Variants in RAB8A observed in about 807,000 individuals in gnomAD.
The protein encoded by RAB8A is RAB8A, member RAS oncogene family.
RAB8A carries 5 observed loss-of-function variants against 29.2 expected under a neutral mutation model. The observed-to-expected ratio is 0.17, with a 90% CI of 0.09 to 0.36. The LOEUF is 0.36. Among genes scored for constraint, RAB8A ranks in the 10% least tolerant of loss-of-function variants. The pLI is 1.00. For missense variants in RAB8A, 171 were observed against 272.2 expected (o/e 0.63, Z 2.62); for synonymous variants, 108 against 99.9 (o/e 1.08, Z -0.49).
At chr19:16,120,985 C>T (rs1193455736) in intron 2 of RAB8A, among the ~76,000 whole-genome samples, 3 of 147,826 alleles carry the variant, frequency 2.0e-5, no homozygotes, top group Admixed American at 6.9e-5. Flanking sequence ...GGTGCAATCT[C>T]GGCTCACTGC....
chr19:16,125,767 C>A lies in RAB8A; in HGVS notation c.324+220C>A. On this transcript the variant is annotated intron_variant, in intron 4 of 7. Coordinates refer to ENST00000300935, the MANE Select transcript of RAB8A (RefSeq NM_005370.5). This position sits in a 1 kb window ranked among gnomAD's most constrained non-coding sequence, Gnocchi z 5.0. ...ACCCCGGAGCCCCTCGGAGCCCATCCCTCCAGCTAGGCTGTTGGATCTGGC... is the reference window on the plus strand; with the variant it reads ...ACCCCGGAGCCCCTCGGAGCCCATCACTCCAGCTAGGCTGTTGGATCTGGC... 1 of 669,976 alleles carries A rather than the reference C, an allele frequency of 1.5e-6. No homozygotes were observed. Among genetic ancestry groups the A allele is most frequent in the Non-Finnish European group, 2.8e-6 (1 of 363,536 alleles). The allele number at this position is 669,976 out of a possible 1,614,324, so 41.5% of individuals were successfully genotyped here.
rs776747724 is a variant in RAB8A, at chr19:16,132,350, C to G, written c.*46C>G. The G allele has an allele frequency of 6.3e-7, 1 of 1,588,892 alleles. No individual in the cohort carries two copies. Among genetic ancestry groups the G allele is most frequent in the Non-Finnish European group, 8.6e-7 (1 of 1,163,592 alleles). On this transcript the variant is annotated 3_prime_UTR_variant, in exon 8 of 8. Coordinates refer to ENST00000300935, the MANE Select transcript of RAB8A (RefSeq NM_005370.5). This position sits in a 1 kb window ranked among gnomAD's most constrained non-coding sequence, Gnocchi z 5.6. Reference sequence around the variant, plus strand: ...GCCTCGCTCAGCCCAGCTGACTGTGCCTGTTCTGAGTGAGCCCCTCACTCA... The same window carrying G: ...GCCTCGCTCAGCCCAGCTGACTGTGGCTGTTCTGAGTGAGCCCCTCACTCA...
intron 2 of RAB8A, among the ~76,000 whole-genome samples, chr19:16,119,194 C>G (rs1221286110): frequency 6.6e-6 from 1 of 152,102 alleles, no homozygotes; most frequent in Non-Finnish European, 1.5e-5. Context: ...AGGTGCTATT[C>G]ACCTCTTCTT....
intron 3 of RAB8A, among the ~76,000 whole-genome samples, chr19:16,123,357 C>G (rs1308901743): frequency 6.6e-6 from 1 of 152,194 alleles, no homozygotes; most frequent in Non-Finnish European, 1.5e-5. Context: ...CCTGTAATCC[C>G]AGCACTTTGG....
chr19:16,114,723 G>A (rs1377077235), intron 1 of RAB8A, among the ~76,000 whole-genome samples: 1 of 151,904 alleles, frequency 6.6e-6, no homozygotes, highest in East Asian at 1.9e-4. Flanking sequence ...GAGCTTTAAA[G>A]AGGCTTTCTT....
rs1302638105 is a variant in RAB8A at position 16,120,759 on chromosome 19, C to T, written c.186-991C>T. Among the ~76,000 whole-genome samples the T allele has an allele frequency of 4.0e-5, 6 of 151,740 alleles. No individual in the cohort carries two copies. In the East Asian group the frequency reaches 5.8e-4, roughly 15 times the overall value. On this transcript the variant is annotated intron_variant, in intron 2 of 7. Coordinates refer to ENST00000300935, the MANE Select transcript of RAB8A (RefSeq NM_005370.5). Reference sequence around the variant, plus strand: ...CTAAGTAGCTGGGACTACAGATCCACGCCATCATGCCCGCCTAATTTTTGT... The same window carrying T: ...CTAAGTAGCTGGGACTACAGATCCATGCCATCATGCCCGCCTAATTTTTGT...
At chr19:16,113,929 G>C (rs934707650) in intron 1 of RAB8A, among the ~76,000 whole-genome samples, 1 of 152,116 alleles carries the variant, frequency 6.6e-6, no homozygotes, top group African/African-American at 2.4e-5. Context: ...AGGCTATCTA[G>C]AGGAAGCAAA....
chr19:16,123,477 G>C (rs2090883778), intron 3 of RAB8A, among the ~76,000 whole-genome samples: 1 of 152,108 alleles, frequency 6.6e-6, no homozygotes, highest in African/African-American at 2.4e-5. Context: ...CGTGGTGGCG[G>C]ATGCCTGTAA....
Position 16,125,561 on chromosome 19 carries a change from G to GCTCCTCCCA in RAB8A, c.324+17_324+25dup, listed in dbSNP as rs147318507. Reference sequence around the variant, plus strand: ...AACATTGAGGAGGTGAGGCCCTCCGGCTCCTCCCACTGTCCCTGCTTCAGT... The same window carrying GCTCCTCCCA: ...AACATTGAGGAGGTGAGGCCCTCCGGCTCCTCCCACTCCTCCCACTGTCCCTGCTTCAGT... On this transcript the variant is annotated intron_variant, in intron 4 of 7. Transcript: ENST00000300935. The surrounding 1 kb of genome is among the most constrained non-coding windows in gnomAD (Gnocchi z 5.0). The GCTCCTCCCA allele has an allele frequency of 4.4e-3, 7,086 of 1,606,042 alleles. 204 individuals are homozygous for GCTCCTCCCA. In the African/African-American group the frequency reaches 0.069, roughly 16 times the overall value.
Position 16,122,128 on chromosome 19 carries a change from T to A in RAB8A, c.246+318T>A, listed in dbSNP as rs1475429927. ...AGTTAAAGCCGGCATGCCCCGACTT[T>A]TAGGAGCTGTCACATGACCTGCATC... On this transcript the variant is annotated intron_variant, in intron 3 of 7. Coordinates refer to ENST00000300935, the MANE Select transcript of RAB8A (RefSeq NM_005370.5). The surrounding 1 kb of genome is among the most constrained non-coding windows in gnomAD (Gnocchi z 4.7). 1 of 266,042 alleles carries A rather than the reference T, an allele frequency of 3.8e-6. No homozygotes were observed. Among genetic ancestry groups the A allele is most frequent in the Admixed American group, 4.9e-5 (1 of 20,308 alleles). 16.5% of individuals were successfully genotyped at this position (266,042 alleles called of 1,614,324 possible). A position where few individuals can be genotyped will look rare whatever the true frequency, so the allele number is the denominator to read the frequency against.
intron 6 of RAB8A, among the ~76,000 whole-genome samples, chr19:16,128,519 C>T (rs566255642): frequency 1.2e-4 from 18 of 152,178 alleles, no homozygotes; most frequent in African/African-American, 2.4e-5. Flanking sequence ...CCCCTCTCCA[C>T]GGGGCGACCC....
At chr19:16,129,533 C>CA in intron 6 of RAB8A, 21 bp from the exon 7 acceptor site, 1 of 1,613,680 alleles carries the variant, frequency 6.2e-7, no homozygotes, top group South Asian at 1.1e-5. Flanking sequence ...CCCAAGGACT[C>CA]ACAATGTGCT....
At chr19:16,116,641 C>G (rs2090846896) in intron 1 of RAB8A, among the ~76,000 whole-genome samples, 1 of 152,134 alleles carries the variant, frequency 6.6e-6, no homozygotes, top group Admixed American at 6.5e-5. Context: ...TCGAGAACAG[C>G]CTGGCCAACA....
At chr19:16,115,911 G>T (rs1323687848) in intron 1 of RAB8A, among the ~76,000 whole-genome samples, 1 of 152,172 alleles carries the variant, frequency 6.6e-6, no homozygotes, top group East Asian at 1.9e-4. Flanking sequence ...AGCCAGGCCT[G>T]GGCCTCAAGT....
chr19:16,117,510 G>A (rs928073560), intron 1 of RAB8A, among the ~76,000 whole-genome samples: 5 of 151,564 alleles, frequency 3.3e-5, no homozygotes, highest in Non-Finnish European at 7.4e-5. Flanking sequence ...AAGAAAGTAA[G>A]TTTGGAGCAG....
intron 1 of RAB8A, among the ~76,000 whole-genome samples, chr19:16,115,290 A>G (rs1256138338): frequency 2.0e-5 from 3 of 149,858 alleles, no homozygotes; most frequent in Non-Finnish European, 4.5e-5. Context: ...TCTGTCTCCA[A>G]AAAAAAAAAG....
chr19:16,125,555 C>T lies in RAB8A; in HGVS notation c.324+8C>T. 9 of 1,607,520 alleles carry T rather than the reference C, an allele frequency of 5.6e-6. No individual in the cohort carries two copies. The highest frequency in any genetic ancestry group is 7.7e-6 in the Non-Finnish European group (9 of 1,174,602). On this transcript the variant is annotated splice_region_variant and intron_variant, in intron 4 of 7. Coordinates refer to ENST00000300935, the MANE Select transcript of RAB8A (RefSeq NM_005370.5). The surrounding 1 kb of genome is among the most constrained non-coding windows in gnomAD (Gnocchi z 5.0). ...ATTCGCAACATTGAGGAGGTGAGGC[C>T]CTCCGGCTCCTCCCACTGTCCCTGC... is the stretch of plus-strand genomic sequence containing the variant.
intron 7 of RAB8A, among the ~76,000 whole-genome samples, chr19:16,130,345 G>A (rs181430527): frequency 5.3e-5 from 8 of 151,874 alleles, no homozygotes; most frequent in African/African-American, 1.7e-4. Flanking sequence ...TTGTCCAATC[G>A]AGGAGCACAC....
intron 7 of RAB8A, among the ~76,000 whole-genome samples, chr19:16,131,651 G>A (rs2090924828): frequency 6.6e-6 from 1 of 151,886 alleles, no homozygotes; most frequent in African/African-American, 2.4e-5. Flanking sequence ...GTTAGAAGGG[G>A]ATGGATGGTT....
Sources: gnomAD v4.1 joint callset for allele counts (sites outside exome capture counted in the v4.1 genomes callset) on GRCh38, gnomAD v4.1.1 for gene constraint, Gnocchi (gnomAD v3.1) non-coding constraint, MANE v1.5 for transcripts, NCBI Gene and HGNC (gene_info 2026-07-23, HGNC 2026-07-21) for gene names.